The following ZNF782 variants were observed in gnomAD, a reference collection of about 807,000 sequenced individuals.
ZNF782 encodes zinc finger protein 782.
Under a neutral mutation model 13.0 loss-of-function variants are expected in ZNF782, and 12 were observed. The observed-to-expected ratio is 0.92, with a 90% CI of 0.59 to 1.50. The LOEUF is 1.50. Among genes scored for constraint, ZNF782 ranks in the 40% most tolerant of loss-of-function variants. The pLI, the probability that ZNF782 is intolerant of heterozygous loss-of-function variation, is 0.00. For missense variants in ZNF782, 770 were observed against 822.9 expected (o/e 0.94, Z 0.79); for synonymous variants, 284 against 283.0 (o/e 1.00, Z -0.04).
upstream of ZNF782, among the ~76,000 whole-genome samples, chr9:96,879,940 G>A (rs544930482): frequency 5.9e-5 from 9 of 152,176 alleles, no homozygotes; most frequent in Non-Finnish European, 1.2e-4. Flanking sequence ...AATAAGGATA[G>A]ACTTATTTTT....
Position 96,827,503 on chromosome 9 carries a change from A to G in ZNF782, c.143-322T>C, listed in dbSNP as rs1004358063. 5.3e-5 allele frequency among the ~76,000 whole-genome samples: 8 copies of G among 152,092 alleles called. No individual in the cohort carries two copies. The South Asian group carries it at 1.0e-3, about 20-fold the overall frequency. ...CACCACCATACCCGGCTAATTTTTT[A>G]AAGTTTTTTTGTAAAGATAGAGTCG... On this transcript the variant is annotated intron_variant, in intron 4 of 5. Coordinates refer to ENST00000481138, the MANE Select transcript of ZNF782 (RefSeq NM_001001662.3).
At position 96,817,577 on chromosome 9, in the gene ZNF782, G is replaced by A. The variant is rs1327945331; in HGVS notation, c.*346C>T. The stretch of plus-strand genomic sequence containing the variant: ...GATGGTGAATGAGTTTTGATTGTTG[G>A]CACAAAGTTTTCACATTTTTATTAC... On this transcript the variant is annotated 3_prime_UTR_variant, in exon 6 of 6. Coordinates refer to ENST00000481138, the MANE Select transcript of ZNF782 (RefSeq NM_001001662.3). The A allele has an allele frequency of 1.6e-5, 3 of 191,628 alleles. No individual in the cohort carries two copies. Among genetic ancestry groups the A allele is most frequent in the Admixed American group, 5.8e-5 (1 of 17,186 alleles). The allele number at this position is 191,628 out of a possible 1,614,324, so 11.9% of individuals were successfully genotyped here.
Position 96,819,589 on chromosome 9 carries a change from C to T in ZNF782, c.434G>A (p.Cys145Tyr). The change falls in exon 6 of 6, where the codon TGC (cysteine) becomes TAC (tyrosine). Residue 145 changes from cysteine to tyrosine, a missense_variant. By Grantham distance (194) the Cys-to-Tyr change is radical. Transcript: ENST00000481138. ...PCKCDIAGSACQGLSLMAPHC... is the reference protein window; with the variant it reads ...PCKCDIAGSAYQGLSLMAPHC... ...TGGGGCCATCAGGCTGAGCCCCTGG[C>T]AAGCAGACCCCGCAATGTCACATTT... The T allele has an allele frequency of 6.2e-7, 1 of 1,613,768 alleles. No individual in the cohort carries two copies. Among genetic ancestry groups the T allele is most frequent in the Non-Finnish European group, 8.5e-7 (1 of 1,179,906 alleles).
intron 1 of ZNF782, among the ~76,000 whole-genome samples, chr9:96,873,201 T>C (rs936002491): frequency 6.6e-6 from 1 of 152,202 alleles, no homozygotes; most frequent in Non-Finnish European, 1.5e-5. Context: ...AATCTTTAAA[T>C]AACTCATCAC....
the ZNF782 span, chr9:96,898,195 A>C: frequency 2.0e-5 from 3 of 149,492 alleles, no homozygotes; most frequent in Admixed American, 2.0e-4. Flanking sequence ...CACATTTCAG[A>C]GGCATTTAGT....
the ZNF782 span, chr9:96,931,901 G>T: frequency 6.2e-7 from 1 of 1,612,248 alleles, no homozygotes; most frequent in East Asian, 2.2e-5. Flanking sequence ...CCCTCTAGTG[G>T]CAGGACAGGA....
At chr9:96,833,105 A>T (rs903305509) in intron 4 of ZNF782, among the ~76,000 whole-genome samples, 3 of 152,168 alleles carry the variant, frequency 2.0e-5, no homozygotes, top group East Asian at 3.8e-4. Flanking sequence ...ATGATTTTTT[A>T]AAAAGTTTTA....
upstream of ZNF782, among the ~76,000 whole-genome samples, chr9:96,855,051 T>A (rs1380005807): frequency 6.6e-6 from 1 of 152,228 alleles, no homozygotes; most frequent in East Asian, 1.9e-4. Context: ...CCCATTGACC[T>A]GTGAGCCCTG....
At chr9:96,919,565 G>GTT in the ZNF782 span, among the ~76,000 whole-genome samples, 10 of 98,300 alleles carry the variant, frequency 1.0e-4, no homozygotes, top group African/African-American at 2.3e-4. Context: ...TCTCAAATGA[G>GTT]TTTTTTTTTT....
chr9:96,907,576 C>T, the ZNF782 span, among the ~76,000 whole-genome samples: 2 of 152,242 alleles, frequency 1.3e-5, no homozygotes, highest in East Asian at 3.8e-4. Flanking sequence ...TTCCATTGAT[C>T]TATATGTCTA....
the ZNF782 span, among the ~76,000 whole-genome samples, chr9:96,901,254 T>C: frequency 6.6e-6 from 1 of 150,680 alleles, no homozygotes; most frequent in Non-Finnish European, 1.5e-5. Context: ...TCTACTGTCC[T>C]ATAATTGAAA....
chr9:96,836,906 T>C (rs776558331), intron 4 of ZNF782, among the ~76,000 whole-genome samples: 4 of 152,192 alleles, frequency 2.6e-5, no homozygotes, highest in Non-Finnish European at 5.9e-5. Context: ...TCTTTGCACA[T>C]GGCCCCTCCC....
At position 96,819,279 on chromosome 9, in the gene ZNF782, A is replaced by C; in HGVS notation, c.744T>G (p.Phe248Leu). The change falls in exon 6 of 6, where the codon TTT becomes TTG. Residue 248 changes from phenylalanine to leucine, a missense_variant. Phe to Leu is a conservative substitution (Grantham distance 22, BLOSUM62 0). Coordinates refer to ENST00000481138, the MANE Select transcript of ZNF782 (RefSeq NM_001001662.3). The part of the protein sequence containing the change: ...PKGKSYNFNK[F>L]GENKYDKSTF... Reference sequence around the variant, plus strand: ...TTGATTTATCATATTTGTTTTCCCCAAATTTATTGAAATTGTAAGATTTTC... The same window carrying C: ...TTGATTTATCATATTTGTTTTCCCCCAATTTATTGAAATTGTAAGATTTTC... 2 of 1,613,160 alleles carry C rather than the reference A, an allele frequency of 1.2e-6. No individual in the cohort carries two copies. Among genetic ancestry groups the C allele is most frequent in the South Asian group, 2.2e-5 (2 of 90,702 alleles).
chr9:96,817,968 T>C lies in ZNF782; in HGVS notation c.2055A>G (p.Gln685=), dbSNP rs779465142. 1 of 1,603,802 alleles carries C rather than the reference T, an allele frequency of 6.2e-7. No individual in the cohort carries two copies. The highest frequency in any genetic ancestry group is 1.1e-5 in the South Asian group (1 of 89,324). The stretch of plus-strand genomic sequence containing the variant: ...TCTGATGTTCTCTAAGGCTTGATTT[T>C]TGACTGAAAGTTCTCCCACATTTAT... The part of the protein sequence containing the change: ...KCDKCGRTFS[Q]KSSLREHQKA... Residue 685 remains glutamine (Q), a synonymous_variant, in exon 6 of 6, where the codon CAA becomes CAG. Coordinates refer to ENST00000481138, the MANE Select transcript of ZNF782 (RefSeq NM_001001662.3).
At chr9:96,889,907 G>A in the ZNF782 span, 1 of 152,140 alleles carries the variant, frequency 6.6e-6, no homozygotes, top group South Asian at 2.1e-4. Flanking sequence ...GAGTTTGGAA[G>A]TCCTTTTCTT....
At chr9:96,873,266 C>A (rs57046479) in intron 1 of ZNF782, among the ~76,000 whole-genome samples, 5,505 of 152,232 alleles carry the variant, frequency 0.036, 243 homozygotes, top group East Asian at 0.24. Flanking sequence ...AAGAAAAAGT[C>A]TATCATGAAT....
the ZNF782 span, among the ~76,000 whole-genome samples, chr9:96,910,775 T>C: frequency 6.7e-6 from 1 of 148,750 alleles, no homozygotes; most frequent in Non-Finnish European, 1.5e-5. Context: ...TAGCTGGGAC[T>C]ACAGGCGCCC....
chr9:96,919,581 T>TTG, the ZNF782 span, among the ~76,000 whole-genome samples: 11 of 127,970 alleles, frequency 8.6e-5, no homozygotes, highest in African/African-American at 3.4e-4. Flanking sequence ...TTTTTTTTTT[T>TTG]GAGACAGAGT....
At chr9:96,908,060 T>G in the ZNF782 span, among the ~76,000 whole-genome samples, 2 of 152,036 alleles carry the variant, frequency 1.3e-5, no homozygotes, top group Non-Finnish European at 2.9e-5. Context: ...ATAAACACAA[T>G]GGACACAGTC....
Sources: gnomAD v4.1 joint callset for allele counts (sites outside exome capture counted in the v4.1 genomes callset) on GRCh38, gnomAD v4.1.1 for gene constraint, MANE v1.5 for transcripts, NCBI Gene and HGNC (gene_info 2026-07-23, HGNC 2026-07-21) for gene names.